BLK: variants seen among roughly 807,000 people sequenced by gnomAD.
BLK encodes the protein tyrosine-protein kinase Blk.
In BLK, 64 loss-of-function variants were observed where a neutral mutation model predicts 61.8. The ratio of observed to expected loss-of-function variants is 1.03; its 90% CI spans 0.85 to 1.27. The LOEUF is 1.27. Among genes scored for constraint, BLK ranks in the 50% most tolerant of loss-of-function variants. The pLI is 0.00. For missense variants in BLK, 853 were observed against 660.5 expected, an observed-to-expected ratio of 1.29 and a Z score of -3.19; for synonymous variants, 351 against 272.0, an observed-to-expected ratio of 1.29 and a Z score of -2.86.
intron 1 of BLK, among the ~76,000 whole-genome samples, chr8:11,538,778 G>A (rs990080464): frequency 3.3e-5 from 5 of 152,142 alleles, no homozygotes; most frequent in Admixed American, 6.5e-5. Context: ...GGCCACGAAA[G>A]GCCTGAGGTT....
intron 10 of BLK, chr8:11,558,798 G>C (rs1432100411): frequency 2.2e-6 from 1 of 455,832 alleles, no homozygotes; most frequent in Non-Finnish European, 4.4e-6. Context: ...TGGTCAGCCT[G>C]TGAGGCACAC....
intron 1 of BLK, among the ~76,000 whole-genome samples, chr8:11,501,499 A>G (rs574406971): frequency 3.9e-5 from 6 of 152,342 alleles, no homozygotes; most frequent in African/African-American, 1.4e-4. Flanking sequence ...TTGTAGATGA[A>G]GAGCATGGCG....
At chr8:11,516,806 A>G (rs1799247049) in intron 1 of BLK, among the ~76,000 whole-genome samples, 1 of 152,190 alleles carries the variant, frequency 6.6e-6, no homozygotes. Flanking sequence ...TATAGCCCAC[A>G]CTGGGCTTAT....
intron 1 of BLK, among the ~76,000 whole-genome samples, chr8:11,520,957 G>C (rs956559921): frequency 1.3e-5 from 2 of 152,074 alleles, no homozygotes; most frequent in African/African-American, 4.8e-5. Context: ...GGAATTCATA[G>C]CTTGTCAAAA....
chr8:11,515,870 G>A (rs1304396695), intron 1 of BLK, among the ~76,000 whole-genome samples: 1 of 152,150 alleles, frequency 6.6e-6, no homozygotes, highest in Non-Finnish European at 1.5e-5. Context: ...GGCTCCTGCT[G>A]GCATTTTAAA....
Position 11,561,413 on chromosome 8 carries a change from T to C in BLK, c.1141T>C (p.Leu381=). 2 of 1,614,158 alleles carry C rather than the reference T, an allele frequency of 1.2e-6. No homozygotes were observed. Among genetic ancestry groups the C allele is most frequent in the East Asian group, 2.2e-5 (1 of 44,888 alleles). ...ALCCKIADFG[L]ARIIDSEYTA... The stretch of plus-strand genomic sequence containing the variant: ...GTGCTGCAAAATTGCTGATTTTGGC[T>C]TGGCTCGAATCATCGACAGTGAATA... The change falls in exon 11 of 13, where the codon TTG becomes CTG. Residue 381 remains leucine (L), a synonymous_variant. Transcript: ENST00000259089.
chr8:11,532,610 C>T (rs1368699317), intron 1 of BLK, among the ~76,000 whole-genome samples: 1 of 151,924 alleles, frequency 6.6e-6, no homozygotes, highest in Non-Finnish European at 1.5e-5. Context: ...TGTCTTATTG[C>T]TTTCAGTTAT....
intron 1 of BLK, among the ~76,000 whole-genome samples, chr8:11,508,301 G>T (rs1408123692): frequency 6.6e-6 from 1 of 152,176 alleles, no homozygotes; most frequent in Non-Finnish European, 1.5e-5. Context: ...GCTACTGGGG[G>T]TAGATCAAGA....
Position 11,555,432 on chromosome 8 carries a change from T to C in BLK, c.720T>C (p.Ser240=), listed in dbSNP as rs1801156804. Residue 240 remains serine (S), a synonymous_variant, in exon 8 of 13, where the codon TCT becomes TCC. Coordinates refer to ENST00000259089, the MANE Select transcript of BLK (RefSeq NM_001715.3). ...AQDEWEIPRQ[S]LRLVRKLGSG... ...ATGAATGGGAGATCCCCCGGCAGTC[T>C]CTCAGGCTGGTCAGGAAACTCGGGT... The C allele has an allele frequency of 6.2e-7, 1 of 1,614,028 alleles. No homozygotes were observed. Among genetic ancestry groups the C allele is most frequent in the African/African-American group, 1.3e-5 (1 of 74,912 alleles).
At chr8:11,557,198 C>G (rs1038752278) in intron 9 of BLK, among the ~76,000 whole-genome samples, 5 of 152,202 alleles carry the variant, frequency 3.3e-5, no homozygotes, top group African/African-American at 4.8e-5. Context: ...TCCAGGTCTC[C>G]TGCCTCCTGG....
chr8:11,517,263 T>C (rs534078269), intron 1 of BLK, among the ~76,000 whole-genome samples: 1 of 152,114 alleles, frequency 6.6e-6, no homozygotes, highest in Admixed American at 6.5e-5. Context: ...CCAACAGAAA[T>C]CGGGGTTGCA....
At chr8:11,559,863 G>C (rs1381798493) in intron 10 of BLK, 1 of 456,032 alleles carries the variant, frequency 2.2e-6, no homozygotes, top group African/African-American at 2.0e-5. Context: ...GAAACTGCCA[G>C]AGAGCCCTTA....
chr8:11,546,260 C>G lies in BLK; in HGVS notation c.175+157C>G, dbSNP rs2244931. On this transcript the variant is annotated intron_variant, in intron 3 of 12. Coordinates refer to ENST00000259089, the MANE Select transcript of BLK (RefSeq NM_001715.3). ...GGCCCCGGCTCTGTGCCTCTTGGGG[C>G]GTCTCTTCAGGAACCAAGAACAAGT... 0.46 allele frequency among the ~76,000 whole-genome samples: 69,572 copies of G among 151,994 alleles called. 17,846 individuals are homozygous for G. The highest frequency in any genetic ancestry group is 0.83 in the East Asian group (4,262 of 5,162).
chr8:11,495,742 C>T (rs1798339627), intron 1 of BLK, among the ~76,000 whole-genome samples: 1 of 152,170 alleles, frequency 6.6e-6, no homozygotes, highest in South Asian at 2.1e-4. Flanking sequence ...GATCCTAAAG[C>T]AACACCGCAA....
chr8:11,528,815 G>C (rs1405683844), intron 1 of BLK, among the ~76,000 whole-genome samples: 1 of 147,094 alleles, frequency 6.8e-6, no homozygotes, highest in Admixed American at 6.7e-5. Context: ...GTGGATGGAG[G>C]TGGAAGGCAT....
intron 1 of BLK, among the ~76,000 whole-genome samples, chr8:11,517,763 G>C (rs976286107): frequency 3.3e-5 from 5 of 152,202 alleles, no homozygotes; most frequent in African/African-American, 1.2e-4. Flanking sequence ...ACCTGAGGCA[G>C]CACCCATGGT....
At chr8:11,497,106 G>T (rs1798388170) in intron 1 of BLK, among the ~76,000 whole-genome samples, 1 of 152,170 alleles carries the variant, frequency 6.6e-6, no homozygotes, top group Non-Finnish European at 1.5e-5. Context: ...TTAGAGAAAA[G>T]CTTCCAAAGC....
chr8:11,502,452 C>A (rs1025979940), intron 1 of BLK, among the ~76,000 whole-genome samples: 1 of 151,976 alleles, frequency 6.6e-6, no homozygotes, highest in Non-Finnish European at 1.5e-5. Flanking sequence ...TACAGGCACC[C>A]GCCACCATGC....
Position 11,555,394 on chromosome 8 carries a change from C to T in BLK, c.682C>T (p.Pro228Ser), listed in dbSNP as rs568112977. The part of the protein sequence containing the change: ...LPCVRPAPQN[P>S]WAQDEWEIPR... The stretch of plus-strand genomic sequence containing the variant: ...CTGTGTGCGCCCGGCCCCGCAGAAT[C>T]CCTGGGCCCAGGATGAATGGGAGAT... The change falls in exon 8 of 13, where the codon CCC becomes TCC. Residue 228 changes from proline (P) to serine (S), a missense_variant. By Grantham distance (74) the Pro-to-Ser change is moderately conservative. Coordinates refer to ENST00000259089, the MANE Select transcript of BLK (RefSeq NM_001715.3). The T allele has an allele frequency of 3.1e-6, 5 of 1,614,042 alleles. No individual in the cohort carries two copies. The highest frequency in any genetic ancestry group is 1.7e-5 in the Admixed American group (1 of 60,006).
Sources: allele counts gnomAD v4.1 joint callset (sites outside exome capture counted in the v4.1 genomes callset), GRCh38; gene constraint gnomAD v4.1.1; transcripts MANE v1.5; gene names NCBI Gene and HGNC (gene_info 2026-07-23, HGNC 2026-07-21).